Variants in COL22A1 observed in about 807,000 individuals in gnomAD.
The protein encoded by COL22A1 is collagen type XXII alpha 1 chain.
In COL22A1, 221 loss-of-function variants were observed where a neutral mutation model predicts 248.9. The observed-to-expected ratio is 0.89, with a 90% CI of 0.80 to 0.99. COL22A1 has a LOEUF of 0.99. Among genes scored for constraint, COL22A1 ranks in the 50% least tolerant of loss-of-function variants. The probability of loss-of-function intolerance (pLI) is 0.00; values close to 1 mark genes in which losing one functional copy is unlikely to be tolerated. For synonymous variants in COL22A1, 891 were observed against 793.4 expected (o/e 1.12, Z -2.07); for missense variants, 2,240 against 2,179.0 (o/e 1.03, Z -0.56).
chr8:138,616,076 AT>A, intron 54 of COL22A1, 22 bp from the exon 55 acceptor site: 1 of 1,602,778 alleles, frequency 6.2e-7, no homozygotes, highest in Non-Finnish European at 8.5e-7. Flanking sequence ...AAAGCCTGCT[AT>A]TAGGGAAGGA....
intron 21 of COL22A1, among the ~76,000 whole-genome samples, chr8:138,752,402 C>T (rs139105532): frequency 3.3e-5 from 5 of 152,174 alleles, no homozygotes; most frequent in Admixed American, 2.6e-4. Context: ...CGTAACTGTA[C>T]GTGACCAAGC....
At chr8:138,621,004 T>C (rs1053844573) in intron 52 of COL22A1, among the ~76,000 whole-genome samples, 2 of 151,314 alleles carry the variant, frequency 1.3e-5, no homozygotes, top group East Asian at 1.9e-4. Flanking sequence ...CACCCATCCA[T>C]CCATCCATCC....
chr8:138,884,819 T>C (rs1031925190), intron 1 of COL22A1, among the ~76,000 whole-genome samples: 1 of 152,184 alleles, frequency 6.6e-6, no homozygotes, highest in African/African-American at 2.4e-5. Flanking sequence ...TTTCTGATCT[T>C]TCTCTGAATT....
chr8:138,763,616 CA>C (rs1211266262), intron 16 of COL22A1, among the ~76,000 whole-genome samples: 10 of 152,072 alleles, frequency 6.6e-5, no homozygotes, highest in African/African-American at 2.2e-4. Context: ...GCAGACACTC[CA>C]AATGGTGGGT....
At chr8:138,750,117 C>T (rs767051178) in intron 22 of COL22A1, among the ~76,000 whole-genome samples, 6 of 152,174 alleles carry the variant, frequency 3.9e-5, no homozygotes, top group Non-Finnish European at 5.9e-5. Context: ...CCATGTAAGA[C>T]GTAACTTGCT....
intron 11 of COL22A1, among the ~76,000 whole-genome samples, chr8:138,797,961 C>T (rs1358301599): frequency 6.8e-6 from 1 of 146,794 alleles, no homozygotes. Flanking sequence ...AATATTAGTA[C>T]AGTCACCCCA....
At chr8:138,675,005 T>C (rs2130794013) in intron 41 of COL22A1, among the ~76,000 whole-genome samples, 1 of 152,352 alleles carries the variant, frequency 6.6e-6, no homozygotes, top group Admixed American at 6.5e-5. Context: ...CCTGAGAATG[T>C]GTTTTAAGGA....
intron 45 of COL22A1, among the ~76,000 whole-genome samples, chr8:138,652,831 C>T (rs1822881986): frequency 1.5e-5 from 2 of 137,158 alleles, no homozygotes; most frequent in African/African-American, 5.3e-5. Context: ...ACTGCAGCCT[C>T]CGCCTCCCAG....
At chr8:138,833,512 G>A (rs1302088559) in intron 4 of COL22A1, among the ~76,000 whole-genome samples, 1 of 152,212 alleles carries the variant, frequency 6.6e-6, no homozygotes, top group Non-Finnish European at 1.5e-5. Context: ...TTGCAGGCTG[G>A]CTCTGCAGGC....
intron 1 of COL22A1, among the ~76,000 whole-genome samples, chr8:138,885,572 T>C (rs1266571504): frequency 6.6e-6 from 1 of 151,892 alleles, no homozygotes; most frequent in Non-Finnish European, 1.5e-5. Flanking sequence ...TCACACAGTT[T>C]TTTTTGTTTT....
chr8:138,895,063 A>AG, intron 1 of COL22A1, among the ~76,000 whole-genome samples: 1 of 144,864 alleles, frequency 6.9e-6, no homozygotes, highest in East Asian at 2.0e-4. Context: ...TTTCTCTTAA[A>AG]AAAAAAAAAA....
At chr8:138,792,349 C>A (rs983197413) in intron 12 of COL22A1, among the ~76,000 whole-genome samples, 17 of 152,324 alleles carry the variant, frequency 1.1e-4, no homozygotes, top group African/African-American at 3.8e-4. Context: ...AGACCACTGG[C>A]AGGAAATGCA....
In COL22A1 at chr8:138,604,751, C is replaced by T; in HGVS notation, c.4123G>A (p.Gly1375Arg). Reference protein sequence around the residue: ...RGPPGEPGEKGVPGKEGVPGK... With the variant: ...RGPPGEPGEKRVPGKEGVPGK... The stretch of plus-strand genomic sequence containing the variant: ...ATACTTGCCTCCTTGCCTGGGACTC[C>T]TTTCTCTCCTGGTTCTCCCTGGAAA... Residue 1375 changes from glycine (G) to arginine (R), a missense_variant, in exon 59 of 65, where the codon GGA becomes AGA. Physicochemically the swap from Gly to Arg is moderately radical, Grantham distance 125. Transcript: ENST00000303045. 6.2e-7 allele frequency: 1 copy of T among 1,612,816 alleles called. No individual in the cohort carries two copies. The highest frequency in any genetic ancestry group is 1.3e-5 in the African/African-American group (1 of 75,020).
At chr8:138,784,262 C>A (rs1381176887) in intron 12 of COL22A1, among the ~76,000 whole-genome samples, 3 of 152,106 alleles carry the variant, frequency 2.0e-5, no homozygotes, top group African/African-American at 7.2e-5. Flanking sequence ...AAGGGGCAGA[C>A]AAGTGGTTTG....
At chr8:138,662,387 C>T (rs1038370816) in intron 42 of COL22A1, among the ~76,000 whole-genome samples, 6 of 152,104 alleles carry the variant, frequency 3.9e-5, no homozygotes, top group Admixed American at 2.6e-4. Context: ...TGAGATGGGC[C>T]TGAGCTCAAA....
chr8:138,840,942 A>G (rs1239718663), intron 4 of COL22A1, among the ~76,000 whole-genome samples: 1 of 152,198 alleles, frequency 6.6e-6, no homozygotes, highest in Non-Finnish European at 1.5e-5. Context: ...AATAATTGCT[A>G]TTCTTCAGCC....
intron 41 of COL22A1, among the ~76,000 whole-genome samples, chr8:138,670,584 C>A (rs1186044156): frequency 6.6e-6 from 1 of 151,484 alleles, no homozygotes; most frequent in Non-Finnish European, 1.5e-5. Flanking sequence ...CTAAAGCAGG[C>A]AGATAAGACA....
chr8:138,762,854 C>T (rs183123738), intron 16 of COL22A1, among the ~76,000 whole-genome samples: 22 of 152,254 alleles, frequency 1.4e-4, no homozygotes, highest in East Asian at 9.7e-4. Context: ...TCATTTGTCC[C>T]GTAAACACGT....
At chr8:138,812,601 C>T (rs1189822762) in intron 8 of COL22A1, among the ~76,000 whole-genome samples, 7 of 152,138 alleles carry the variant, frequency 4.6e-5, no homozygotes, top group South Asian at 4.1e-4. Flanking sequence ...CAGGGCACTG[C>T]GGCCTCTCCC....
Sources: gnomAD v4.1 joint callset for allele counts (sites outside exome capture counted in the v4.1 genomes callset) on GRCh38, gnomAD v4.1.1 for gene constraint, MANE v1.5 for transcripts, NCBI Gene and HGNC (gene_info 2026-07-23, HGNC 2026-07-21) for gene names.